Variants in EPHA8 observed in about 807,000 individuals in gnomAD.
The protein encoded by EPHA8 is EPH receptor A8, also known as ephrin type-A receptor 8.
A neutral mutation model predicts 103.6 loss-of-function variants in EPHA8; 58 were observed. That is an observed-to-expected ratio of 0.56 (90% CI 0.45 to 0.70). EPHA8 has a LOEUF of 0.70. EPHA8 is among the 30% of genes least tolerant of loss of function. EPHA8 has a pLI of 0.00. For missense variants in EPHA8, 1,304 were observed against 1,395.2 expected, an observed-to-expected ratio of 0.93 and a Z score of 1.04; for synonymous variants, 559 against 572.5, an observed-to-expected ratio of 0.98 and a Z score of 0.34.
chr1:22,589,272 A>C lies in EPHA8; in HGVS notation c.1315+66A>C. ...AGCTTCCCCTGCCTCAGACCCATCC[A>C]GGGATCAGAGCTCTGCCGGGGACGT... On this transcript the variant is annotated intron_variant, in intron 5 of 16. Coordinates refer to ENST00000166244, the MANE Select transcript of EPHA8 (RefSeq NM_020526.5). This position sits in a 1 kb window ranked among gnomAD's most constrained non-coding sequence, Gnocchi z 4.3. The C allele has an allele frequency of 6.2e-7, 1 of 1,613,942 alleles. No individual in the cohort carries two copies. Among genetic ancestry groups the C allele is most frequent in the East Asian group, 2.2e-5 (1 of 44,880 alleles).
chr1:22,601,551 A>G, intron 16 of EPHA8, 76 bp from the exon 17 acceptor site: 1 of 1,596,470 alleles, frequency 6.3e-7, no homozygotes, highest in Non-Finnish European at 8.5e-7. Context: ...CTACAGGTCC[A>G]GATCCATGGC....
At chr1:22,601,540 G>A in intron 16 of EPHA8, 67 bp downstream of exon 16, 1 of 1,599,402 alleles carries the variant, frequency 6.3e-7, no homozygotes, top group South Asian at 1.1e-5. Flanking sequence ...TGCCGGGGAG[G>A]CTACAGGTCC....
intron 4 of EPHA8, among the ~76,000 whole-genome samples, chr1:22,588,629 G>T (rs957032615): frequency 6.6e-6 from 1 of 151,554 alleles, no homozygotes; most frequent in African/African-American, 2.4e-5. Flanking sequence ...CTGATGGGTG[G>T]GGGGGATGGG....
chr1:22,578,080 T>TCA (rs1491523553), intron 3 of EPHA8, among the ~76,000 whole-genome samples: 13 of 81,970 alleles, frequency 1.6e-4, no homozygotes, highest in African/African-American at 2.8e-4. Context: ...TATGTATGCA[T>TCA]GTGTGTGCAT....
rs1390798586 is a variant in EPHA8 at position 22,576,718 on chromosome 1, G to A, written c.661G>A (p.Ala221Thr). ...LAAFSEAVTGADSSSLVEVRG... is the reference protein window; with the variant it reads ...LAAFSEAVTGTDSSSLVEVRG... Reference sequence around the variant, plus strand: ...TGCCTTCTCGGAGGCAGTGACGGGGGCCGACTCGTCCTCACTGGTGGAGGT... The same window carrying A: ...TGCCTTCTCGGAGGCAGTGACGGGGACCGACTCGTCCTCACTGGTGGAGGT... The change falls in exon 3 of 17, where the codon GCC becomes ACC. Residue 221 changes from alanine to threonine, a missense_variant. Physicochemically the swap from Ala to Thr is moderately conservative, Grantham distance 58. Transcript: ENST00000166244. The surrounding 1 kb of genome is among the most constrained non-coding windows in gnomAD (Gnocchi z 4.8). 3.1e-6 allele frequency: 5 copies of A among 1,613,754 alleles called. No individual in the cohort carries two copies. The highest frequency in any genetic ancestry group is 1.7e-5 in the Admixed American group (1 of 60,012).
At position 22,589,064 on chromosome 1, in the gene EPHA8, C is replaced by T; in HGVS notation, c.1173C>T (p.Ser391=). The T allele has an allele frequency of 6.2e-7, 1 of 1,613,268 alleles. No individual in the cohort carries two copies. Among genetic ancestry groups the T allele is most frequent in the Middle Eastern group, 1.6e-4 (1 of 6,062 alleles). ...CCCGCTTTGTGCCCCAGCAGACAAGCCTGGTGCAGGCCAGCCTGCTGGTGG... is the reference window on the plus strand; with the variant it reads ...CCCGCTTTGTGCCCCAGCAGACAAGTCTGGTGCAGGCCAGCCTGCTGGTGG... ...SGTRFVPQQT[S]LVQASLLVAN... The change falls in exon 5 of 17, where the codon AGC becomes AGT. Residue 391 remains serine (S), a synonymous_variant. Coordinates refer to ENST00000166244, the MANE Select transcript of EPHA8 (RefSeq NM_020526.5). The surrounding 1 kb of genome is among the most constrained non-coding windows in gnomAD (Gnocchi z 4.3).
At position 22,597,429 on chromosome 1, in the gene EPHA8, G is replaced by A. The variant is rs748375751; in HGVS notation, c.1883G>A (p.Arg628Gln). 2.9e-5 allele frequency: 47 copies of A among 1,613,430 alleles called. No homozygotes were observed. The highest frequency in any genetic ancestry group is 1.3e-4 in the Admixed American group (8 of 59,994). Residue 628 changes from arginine to glutamine, a missense_variant, in exon 10 of 17, where the codon CGG (arginine) becomes CAG (glutamine). Coordinates refer to ENST00000166244, the MANE Select transcript of EPHA8 (RefSeq NM_020526.5). This position sits in a 1 kb window ranked among gnomAD's most constrained non-coding sequence, Gnocchi z 4.6. ...GGCCGGGCGGGCCGCAGTTTCACTC[G>A]GGAGATCGAGGCCTCTAGGATCCAC... ...EPGRAGRSFT[R>Q]EIEASRIHIE...
rs1294800145 is a variant in EPHA8 at position 22,563,599 on chromosome 1, G to T, written c.-37G>T. 7.2e-6 allele frequency: 1 copy of T among 138,042 alleles called. No homozygotes were observed. The highest frequency in any genetic ancestry group is 1.9e-4 in the South Asian group (1 of 5,202). The allele number at this position is 138,042 out of a possible 1,614,324, so 8.6% of individuals were successfully genotyped here. On this transcript the variant is annotated 5_prime_UTR_variant, in exon 1 of 17. Transcript: ENST00000166244. The surrounding 1 kb of genome is among the most constrained non-coding windows in gnomAD (Gnocchi z 4.4). ...CGGGCCGCAGCGGCCAAGCCCGAGG[G>T]TGCGTGGCGCCCCCGCCCGCCCGGC...
At chr1:22,590,525 C>G (rs1344810344) in intron 5 of EPHA8, among the ~76,000 whole-genome samples, 4 of 152,170 alleles carry the variant, frequency 2.6e-5, no homozygotes, top group Non-Finnish European at 5.9e-5. Context: ...CCTCTTCCCC[C>G]TTTCATTTCC....
intron 3 of EPHA8, among the ~76,000 whole-genome samples, chr1:22,578,071 ATG>A (rs1253434723): frequency 9.5e-5 from 2 of 21,068 alleles, no homozygotes; most frequent in African/African-American, 2.8e-4. Context: ...GTGCATGAGT[ATG>A]TATGCATGTG....
intron 5 of EPHA8, among the ~76,000 whole-genome samples, chr1:22,591,839 C>T (rs774777695): frequency 2.0e-5 from 3 of 152,232 alleles, no homozygotes; most frequent in Non-Finnish European, 2.9e-5. Context: ...GAAGCTCCCC[C>T]GACCACCTCA....
rs1311483721 is a variant in EPHA8, at chr1:22,588,994, G to A, written c.1103G>A (p.Arg368His). ...ATCACCTACAATGCCGTGTGCCGCC[G>A]CTGCCCCTGGGCACTGAGCCGCTGC... ...SDITYNAVCR[R>H]CPWALSRCEA... Residue 368 changes from arginine (R) to histidine (H), a missense_variant, in exon 5 of 17, where the codon CGC (arginine) becomes CAC (histidine). Transcript: ENST00000166244. 5.6e-6 allele frequency: 9 copies of A among 1,613,028 alleles called. No homozygotes were observed. The highest frequency in any genetic ancestry group is 1.7e-5 in the Admixed American group (1 of 59,956).
intron 7 of EPHA8, among the ~76,000 whole-genome samples, chr1:22,594,967 G>A (rs997449409): frequency 3.3e-5 from 5 of 152,154 alleles, no homozygotes; most frequent in South Asian, 4.1e-4. Context: ...ACTCTTCTCC[G>A]GTACCACAGC....
In EPHA8 at chr1:22,601,995, G is replaced by T; in HGVS notation, c.*254G>T. ...GCACCTTCTCTTTTCCAGAGCCTGG[G>T]GCCTCCACGTCACAGAGTCCAACAG... On this transcript the variant is annotated 3_prime_UTR_variant, in exon 17 of 17. Transcript: ENST00000166244. 1 of 569,472 alleles carries T rather than the reference G, an allele frequency of 1.8e-6. No individual in the cohort carries two copies. 35.3% of individuals were successfully genotyped at this position (569,472 alleles called of 1,614,324 possible). A position where few individuals can be genotyped will look rare whatever the true frequency, so the allele number is the denominator to read the frequency against.
intron 3 of EPHA8, among the ~76,000 whole-genome samples, chr1:22,581,450 C>CGAGG (rs1641044611): frequency 6.6e-6 from 1 of 152,234 alleles, no homozygotes; most frequent in South Asian, 2.1e-4. Flanking sequence ...GACCTGCCCT[C>CGAGG]CTGTCTTTGG....
At chr1:22,565,978 C>G (rs888017818) in intron 1 of EPHA8, among the ~76,000 whole-genome samples, 1 of 152,180 alleles carries the variant, frequency 6.6e-6, no homozygotes, top group Non-Finnish European at 1.5e-5. Flanking sequence ...CTGGGCTGGT[C>G]TAGAGCAACC....
At chr1:22,574,013 G>T (rs1468089135) in intron 2 of EPHA8, among the ~76,000 whole-genome samples, 1 of 152,192 alleles carries the variant, frequency 6.6e-6, no homozygotes, top group Non-Finnish European at 1.5e-5. Flanking sequence ...GAGTCTCGCT[G>T]TGTCACCCAG....
At chr1:22,578,921 G>A (rs545923641) in intron 3 of EPHA8, among the ~76,000 whole-genome samples, 56 of 151,182 alleles carry the variant, frequency 3.7e-4, no homozygotes, top group African/African-American at 1.1e-3. Context: ...ATGCATGTGC[G>A]TTTATGTGTG....
intron 9 of EPHA8, 106 bp downstream of exon 9, chr1:22,596,279 A>C: frequency 8.6e-7 from 1 of 1,157,818 alleles, no homozygotes. Context: ...CCCAGTGAAA[A>C]AACCAGAGCC....
Sources: allele counts gnomAD v4.1 joint callset (sites outside exome capture counted in the v4.1 genomes callset), GRCh38; gene constraint gnomAD v4.1.1; non-coding constraint Gnocchi (gnomAD v3.1); transcripts MANE v1.5; gene names NCBI Gene and HGNC (gene_info 2026-07-23, HGNC 2026-07-21).